Variants in BRCA1 observed in about 807,000 individuals in gnomAD.
BRCA1 encodes BRCA1 DNA repair associated, also known as breast cancer type 1 susceptibility protein.
A neutral mutation model predicts 173.7 loss-of-function variants in BRCA1; 140 were observed. The ratio of observed to expected loss-of-function variants is 0.81; its 90% confidence interval spans 0.70 to 0.93. The LOEUF (loss-of-function observed/expected upper bound fraction) is 0.93. BRCA1 is among the 40% of genes least tolerant of loss of function. The probability of loss-of-function intolerance (pLI) is 0.00; values close to 1 mark genes in which losing one functional copy is unlikely to be tolerated. For missense variants in BRCA1, 1,983 were observed against 2,172.5 expected, an observed-to-expected ratio of 0.91 and a Z score of 1.73; for synonymous variants, 662 against 756.0, an observed-to-expected ratio of 0.88 and a Z score of 2.04.
intron 19 of BRCA1, among the ~76,000 whole-genome samples, chr17:43,052,815 A>T (rs975915450): frequency 1.6e-5 from 2 of 126,936 alleles, no homozygotes; most frequent in African/African-American, 5.9e-5. Context: ...ACACACACAC[A>T]CACACACACT....
exon 1 of BRCA1, chr17:43,170,235 T>G (rs1000800587): frequency 2.2e-5 from 4 of 181,214 alleles, no homozygotes; most frequent in African/African-American, 9.6e-5. Context: ...TATCTGTAAT[T>G]CCCACGCTTT....
chr17:43,082,643 T>C (rs1323178156), intron 11 of BRCA1, 68 bp from the exon 12 acceptor site: 1 of 1,531,790 alleles, frequency 6.5e-7, no homozygotes, highest in Non-Finnish European at 9.0e-7. Context: ...AATGAAAATA[T>C]ATCATACAAA....
At chr17:43,149,704 CTG>C (rs927889823) in intron 1 of BRCA1, among the ~76,000 whole-genome samples, 4 of 152,348 alleles carry the variant, frequency 2.6e-5, no homozygotes, top group East Asian at 1.9e-4. Flanking sequence ...AAATTGGAAA[CTG>C]TGGACAAATT....
chr17:43,097,185 T>G, intron 8 of BRCA1, 59 bp downstream of exon 8: 1 of 1,488,922 alleles, frequency 6.7e-7, no homozygotes. Flanking sequence ...ACATCAATCC[T>G]TAATATTAAC....
At chr17:43,046,203 G>A (rs574853091) in intron 22 of BRCA1, among the ~76,000 whole-genome samples, 1 of 144,342 alleles carries the variant, frequency 6.9e-6, no homozygotes. Flanking sequence ...GATTACAGGC[G>A]TGAGCCACTG....
intron 1 of BRCA1, among the ~76,000 whole-genome samples, chr17:43,132,189 T>A (rs1315987897): frequency 3.9e-5 from 6 of 152,170 alleles, no homozygotes; most frequent in Admixed American, 2.0e-4. Context: ...GGTCACACAC[T>A]CTGGGCTCTC....
Position 43,044,848 on chromosome 17 carries a change from G to GGCTGGAGT in BRCA1, c.*822_*829dup. 2.2e-6 allele frequency: 1 copy of GGCTGGAGT among 454,398 alleles called. No homozygotes were observed. The highest frequency in any genetic ancestry group is 4.2e-6 in the Non-Finnish European group (1 of 237,148). The allele number at this position is 454,398 out of a possible 1,614,324, so 28.1% of individuals were successfully genotyped here. ...TGAGCCACAGTCTCACTGTCACCCAGGCTGGAGTGCCGTGGTATGATCTTG... is the reference window on the plus strand; with the variant it reads ...TGAGCCACAGTCTCACTGTCACCCAGGCTGGAGTGCTGGAGTGCCGTGGTATGATCTTG... On this transcript the variant is annotated 3_prime_UTR_variant, in exon 23 of 23. Transcript: ENST00000357654.
chr17:43,097,241 C>T lies in BRCA1; in HGVS notation c.593+3G>A, dbSNP rs80358013. 30 of 1,613,494 alleles carry T rather than the reference C, an allele frequency of 1.9e-5. No individual in the cohort carries two copies. Among genetic ancestry groups the T allele is most frequent in the Middle Eastern group, 3.3e-4 (2 of 6,060 alleles). On this transcript the variant is annotated splice_donor_region_variant and intron_variant, in intron 8 of 22. Transcript: ENST00000357654. The stretch of plus-strand genomic sequence containing the variant: ...TCATAGACAAAGGTTCTCTTTGACT[C>T]ACCTGCAATAAGTTGCCTTATTAAC...
intron 11 of BRCA1, among the ~76,000 whole-genome samples, chr17:43,085,392 G>C (rs1458020131): frequency 3.3e-5 from 5 of 151,886 alleles, no homozygotes; most frequent in African/African-American, 1.2e-4. Context: ...AACCCTTAGT[G>C]GTATACCACT....
intron 11 of BRCA1, among the ~76,000 whole-genome samples, chr17:43,084,627 C>T (rs2154185019): frequency 1.3e-5 from 2 of 152,312 alleles, no homozygotes; most frequent in African/African-American, 4.8e-5. Context: ...CATCTTCTTT[C>T]TCCTGCTACA....
At chr17:43,144,761 C>T (rs1465776097) in intron 1 of BRCA1, 2 of 344,874 alleles carry the variant, frequency 5.8e-6, no homozygotes, top group African/African-American at 2.1e-5. Flanking sequence ...TGGCTCATGC[C>T]TGTAATCCCA....
At chr17:43,067,331 T>C (rs1467447596) in intron 16 of BRCA1, 9 of 328,086 alleles carry the variant, frequency 2.7e-5, no homozygotes, top group South Asian at 2.4e-4. Context: ...CTCGGCTCAC[T>C]GCAACCTCCA....
At chr17:43,098,700 G>T (rs2054240063) in intron 7 of BRCA1, among the ~76,000 whole-genome samples, 1 of 151,536 alleles carries the variant, frequency 6.6e-6, no homozygotes, top group Non-Finnish European at 1.5e-5. Flanking sequence ...TAGAGACAGG[G>T]TTCCCCTATG....
chr17:43,067,836 AT>A (rs11421283), intron 15 of BRCA1, 141 bp from the exon 16 acceptor site: 18,190 of 214,594 alleles, frequency 0.085, 1 homozygote, highest in East Asian at 0.11. Context: ...TTTAAAGTGA[AT>A]TTTTTTTTTT....
At chr17:43,059,002 C>T (rs972395295) in intron 18 of BRCA1, among the ~76,000 whole-genome samples, 1 of 152,110 alleles carries the variant, frequency 6.6e-6, no homozygotes, top group Non-Finnish European at 1.5e-5. Context: ...CTGGCTATTA[C>T]TAGGGGAAGA....
chr17:43,084,386 G>T (rs966196916), intron 11 of BRCA1, among the ~76,000 whole-genome samples: 2 of 151,384 alleles, frequency 1.3e-5, no homozygotes, highest in African/African-American at 4.9e-5. Flanking sequence ...GGCTGGTCTT[G>T]AACTCCTGAC....
intron 11 of BRCA1, among the ~76,000 whole-genome samples, chr17:43,083,571 T>G (rs989950129): frequency 1.3e-5 from 2 of 152,224 alleles, no homozygotes; most frequent in African/African-American, 2.4e-5. Flanking sequence ...GTCCTAGTAC[T>G]GAGGATATAG....
Position 43,094,164 on chromosome 17 carries a change from A to G in BRCA1, c.1367T>C (p.Ile456Thr), listed in dbSNP as rs80357360. The G allele has an allele frequency of 3.1e-6, 5 of 1,614,086 alleles. No individual in the cohort carries two copies. The highest frequency in any genetic ancestry group is 1.3e-5 in the African/African-American group (1 of 75,050). ...RVHSKSVESN[I>T]EDKIFGKTYR... ...GGTTTTCCCAAATATTTTGTCTTCA[A>G]TATTACTCTCTACTGATTTGGAGTG... The change falls in exon 10 of 23, where the codon ATT becomes ACT. Residue 456 changes from isoleucine (I) to threonine (T), a missense_variant. Transcript: ENST00000357654.
In BRCA1 at chr17:43,123,261, A is replaced by G. The variant is rs531020613; in HGVS notation, c.80+756T>C. ...CCTCTGCATTTCATTGTATGTAAAT[A>G]AGTATGTAATTTCATTGTATGTACA... On this transcript the variant is annotated intron_variant, in intron 2 of 22. Transcript: ENST00000357654. Among the ~76,000 whole-genome samples, 31 of 152,064 alleles carry G rather than the reference A, an allele frequency of 2.0e-4. No individual in the cohort carries two copies. The South Asian group carries it at 5.8e-3, about 29-fold the overall frequency.
Sources: allele counts gnomAD v4.1 joint callset (sites outside exome capture counted in the v4.1 genomes callset), GRCh38; gene constraint gnomAD v4.1.1; transcripts MANE v1.5; gene names NCBI Gene and HGNC (gene_info 2026-07-23, HGNC 2026-07-21).